VPS53: variants seen among roughly 807,000 people sequenced by gnomAD.
VPS53 encodes VPS53 subunit of GARP complex.
In VPS53, 70 loss-of-function variants were observed where a neutral mutation model predicts 107.0. That is an observed-to-expected ratio of 0.65 (90% CI 0.54 to 0.80). The LOEUF (loss-of-function observed/expected upper bound fraction) is 0.80, where lower values mean the gene tolerates loss of function less well. Ranked by LOEUF, VPS53 falls within the 30% of genes least tolerant of loss-of-function variation. VPS53 has a pLI of 0.00. For missense variants in VPS53, 917 were observed against 1,049.4 expected, an observed-to-expected ratio of 0.87 and a Z score of 1.74; for synonymous variants, 409 against 393.3, an observed-to-expected ratio of 1.04 and a Z score of -0.47.
intron 8 of VPS53, among the ~76,000 whole-genome samples, chr17:630,000 A>C (rs1181083503): frequency 6.6e-6 from 1 of 151,568 alleles, no homozygotes; most frequent in Non-Finnish European, 1.5e-5. Context: ...ACTTCTAGAA[A>C]CTGAAATGAG....
At chr17:652,032 T>C (rs1970972722) in intron 7 of VPS53, among the ~76,000 whole-genome samples, 1 of 151,614 alleles carries the variant, frequency 6.6e-6, no homozygotes, top group Non-Finnish European at 1.5e-5. Context: ...AGTCTCACCC[T>C]GTCGCCCAGG....
intron 7 of VPS53, among the ~76,000 whole-genome samples, chr17:634,333 T>G (rs1045005550): frequency 2.0e-5 from 3 of 152,224 alleles, no homozygotes; most frequent in Non-Finnish European, 4.4e-5. Flanking sequence ...GTCTCTGATT[T>G]GTAGACTTCC....
chr17:520,257 T>A lies in VPS53; in HGVS notation c.2224-327A>T, dbSNP rs1217083890. ...TTCCGGGGCCCTCCTCTAAAGACTC[T>A]AATTCAGTAGGCCTGGCTGGAGTCC... On this transcript the variant is annotated intron_variant, in intron 20 of 21. Transcript: ENST00000437048. This position sits in a 1 kb window ranked among gnomAD's most constrained non-coding sequence, Gnocchi z 4.4. Among the ~76,000 whole-genome samples, 2 of 152,322 alleles carry A rather than the reference T, an allele frequency of 1.3e-5. No homozygotes were observed. The highest frequency in any genetic ancestry group is 4.8e-5 in the African/African-American group (2 of 41,578).
chr17:616,101 G>A (rs1969121975), intron 11 of VPS53: 1 of 152,242 alleles, frequency 6.6e-6, no homozygotes. Flanking sequence ...CCTGGGTAAA[G>A]TGGCCATAGG....
At chr17:541,581 C>G (rs1484093190) in intron 17 of VPS53, among the ~76,000 whole-genome samples, 1 of 151,012 alleles carries the variant, frequency 6.6e-6, no homozygotes, top group Non-Finnish European at 1.5e-5. Context: ...AAGCACCTAC[C>G]ACGCACCAGG....
chr17:653,433 A>C, intron 6 of VPS53, 23 bp from the exon 7 acceptor site: 2 of 1,613,848 alleles, frequency 1.2e-6, no homozygotes, highest in Non-Finnish European at 1.7e-6. Flanking sequence ...AATAAGTTTA[A>C]AAGTCTAGAA....
intron 5 of VPS53, 75 bp from the exon 6 acceptor site, chr17:656,028 G>C (rs977511532): frequency 1.7e-6 from 2 of 1,178,988 alleles, no homozygotes; most frequent in Non-Finnish European, 1.2e-6. Context: ...AAGTAGCTCT[G>C]TAAGAAACGA....
intron 3 of VPS53, among the ~76,000 whole-genome samples, chr17:699,129 T>G (rs1024001947): frequency 1.3e-5 from 2 of 152,062 alleles, no homozygotes; most frequent in Non-Finnish European, 2.9e-5. Context: ...ATCACACCAT[T>G]GCACTCCAGC....
chr17:534,378 C>T (rs149282170), intron 18 of VPS53, among the ~76,000 whole-genome samples: 2,071 of 152,072 alleles, frequency 0.014, 22 homozygotes, highest in Non-Finnish European at 0.02. Context: ...AGACAGCAAA[C>T]GAGGTAAAAG....
chr17:627,884 C>T (rs1597400352), intron 9 of VPS53, among the ~76,000 whole-genome samples: 1 of 152,194 alleles, frequency 6.6e-6, no homozygotes, highest in African/African-American at 2.4e-5. Context: ...ATTTTATGCA[C>T]AGGTGCATGT....
intron 11 of VPS53, among the ~76,000 whole-genome samples, chr17:623,043 G>A (rs1156959064): frequency 1.3e-5 from 2 of 152,086 alleles, no homozygotes; most frequent in African/African-American, 2.4e-5. Flanking sequence ...ACTACACAGA[G>A]ACAAACGTTT....
chr17:610,980 AAAC>A (rs1168696367), intron 11 of VPS53, among the ~76,000 whole-genome samples: 2 of 152,012 alleles, frequency 1.3e-5, no homozygotes, highest in African/African-American at 2.4e-5. Flanking sequence ...TAGAATGTGT[AAAC>A]AACTCTTACA....
At chr17:535,023 G>GA (rs1277021009) in intron 18 of VPS53, among the ~76,000 whole-genome samples, 3 of 152,134 alleles carry the variant, frequency 2.0e-5, no homozygotes, top group Non-Finnish European at 4.4e-5. Flanking sequence ...GTCCTGTGGG[G>GA]AAAAAACCAA....
intron 7 of VPS53, among the ~76,000 whole-genome samples, chr17:650,375 T>C (rs1970892570): frequency 2.0e-5 from 3 of 152,222 alleles, no homozygotes; most frequent in South Asian, 4.1e-4. Flanking sequence ...TATTTGCCTG[T>C]ATTCCTGGCT....
intron 5 of VPS53, among the ~76,000 whole-genome samples, chr17:658,091 T>A (rs7211349): frequency 5.3e-3 from 113 of 21,354 alleles, no homozygotes; most frequent in Non-Finnish European, 6.3e-3. Flanking sequence ...TAAAGTGAGA[T>A]ACTCGGCCGT....
At chr17:627,508 TG>T (rs1361192623) in intron 9 of VPS53, among the ~76,000 whole-genome samples, 192 bp from the exon 10 acceptor site, 1 of 152,226 alleles carries the variant, frequency 6.6e-6, no homozygotes, top group African/African-American at 2.4e-5. Flanking sequence ...CTGGGCGCAG[TG>T]GCTCATGCCT....
rs1364157616 is a variant in VPS53, at chr17:511,155, C to T, written c.*7973G>A. ...TCCAGTGGCTGCTCCAGTTGGTCCA[C>T]TGCAGTGCTTGATTTTGTGAAGAAC... On this transcript the variant is annotated 3_prime_UTR_variant, in exon 22 of 22. Coordinates refer to ENST00000437048, the MANE Select transcript of VPS53 (RefSeq NM_001128159.3). 6.6e-6 allele frequency: 1 copy of T among 152,208 alleles called. No homozygotes were observed. The highest frequency in any genetic ancestry group is 1.5e-5 in the Non-Finnish European group (1 of 68,046). 9.4% of individuals were successfully genotyped at this position (152,208 alleles called of 1,614,324 possible). A position where few individuals can be genotyped will look rare whatever the true frequency, so the allele number is the denominator to read the frequency against.
At chr17:669,900 A>AG (rs992116205) in intron 4 of VPS53, among the ~76,000 whole-genome samples, 4 of 152,032 alleles carry the variant, frequency 2.6e-5, no homozygotes, top group African/African-American at 9.7e-5. Flanking sequence ...AAAAAAAAAA[A>AG]AAGAAGAAAA....
intron 4 of VPS53, among the ~76,000 whole-genome samples, chr17:672,140 A>T (rs1381959501): frequency 4.1e-5 from 6 of 147,480 alleles, no homozygotes; most frequent in Non-Finnish European, 7.5e-5. Context: ...ACACACACAC[A>T]CACACACACA....
Sources: allele counts gnomAD v4.1 joint callset (sites outside exome capture counted in the v4.1 genomes callset), GRCh38; gene constraint gnomAD v4.1.1; non-coding constraint Gnocchi (gnomAD v3.1); transcripts MANE v1.5; gene names NCBI Gene and HGNC (gene_info 2026-07-23, HGNC 2026-07-21).